The following FRMPD4 variants were observed in gnomAD, a reference collection of about 807,000 sequenced individuals.
The protein encoded by FRMPD4 is FERM and PDZ domain containing 4, also known as FERM and PDZ domain-containing protein 4.
In FRMPD4, 22 loss-of-function variants were observed where a neutral mutation model predicts 94.1. The observed-to-expected ratio is 0.23, with a 90% CI of 0.17 to 0.33. The LOEUF is 0.33. FRMPD4 is among the 10% of genes least tolerant of loss of function. The probability of loss-of-function intolerance (pLI) is 1.00; values close to 1 mark genes in which losing one functional copy is unlikely to be tolerated. For synonymous variants in FRMPD4, 631 were observed against 548.6 expected, an observed-to-expected ratio of 1.15 and a Z score of -2.10; for missense variants, 1,111 against 1,339.9, an observed-to-expected ratio of 0.83 and a Z score of 2.67.
chrX:12,353,034 A>G (rs1470338719), intron 1 of FRMPD4, among the ~76,000 whole-genome samples: 1 of 112,027 alleles, frequency 8.9e-6, no homozygotes, highest in Non-Finnish European at 1.9e-5. Flanking sequence ...CCAGACTGAG[A>G]AAAGCCAGTC....
At position 12,246,333 on chromosome X, in the gene FRMPD4, A is replaced by G. The variant is rs181423092; in HGVS notation, c.41+107321A>G. Among the ~76,000 whole-genome samples the G allele has an allele frequency of 4.3e-4, 48 of 112,103 alleles. No individual in the cohort carries two copies. The East Asian group carries it at 0.012, about 27-fold the overall frequency. On this transcript the variant is annotated intron_variant, in intron 1 of 16. Transcript: ENST00000675598. Reference sequence around the variant, plus strand: ...CTGAAATGAAGAGCTTCGATTTTCCACCATATTCTGATATGTAAAGGTTAC... The same window carrying G: ...CTGAAATGAAGAGCTTCGATTTTCCGCCATATTCTGATATGTAAAGGTTAC...
chrX:12,101,587 T>A (rs2055256579), intron 3 of FRMPD4, among the ~76,000 whole-genome samples: 1 of 111,841 alleles, frequency 8.9e-6, no homozygotes, highest in Non-Finnish European at 1.9e-5. Flanking sequence ...TTTATTATCC[T>A]GGGGATGCTT....
At chrX:11,891,683 T>G (rs2053874530) in intron 3 of FRMPD4, among the ~76,000 whole-genome samples, 1 of 112,156 alleles carries the variant, frequency 8.9e-6, no homozygotes, top group South Asian at 3.7e-4. Flanking sequence ...TTGAGCTTAC[T>G]AAGCCCCAGA....
intron 3 of FRMPD4, among the ~76,000 whole-genome samples, chrX:11,906,992 CT>C (rs2053971526): frequency 9.0e-6 from 1 of 110,807 alleles, no homozygotes; most frequent in Admixed American, 9.6e-5. Flanking sequence ...GCTACCAAGT[CT>C]GTCTAGTGAA....
chrX:12,328,850 T>C (rs1437151823), intron 1 of FRMPD4, among the ~76,000 whole-genome samples: 1 of 111,674 alleles, frequency 9.0e-6, no homozygotes, highest in African/African-American at 3.3e-5. Flanking sequence ...GCTTATACAG[T>C]TCAGGTATTA....
At chrX:12,126,964 G>A (rs1234262844) in intron 3 of FRMPD4, among the ~76,000 whole-genome samples, 1 of 111,875 alleles carries the variant, frequency 8.9e-6, no homozygotes, top group Non-Finnish European at 1.9e-5. Context: ...GCCCCTACAA[G>A]TCTTTGTTCT....
intron 1 of FRMPD4, among the ~76,000 whole-genome samples, chrX:12,141,094 T>G (rs1211015457): frequency 8.9e-6 from 1 of 112,278 alleles, no homozygotes; most frequent in East Asian, 2.8e-4. Context: ...TGTTTCTGCC[T>G]TGGGAGGAAG....
At chrX:11,886,533 T>C (rs1386059535) in intron 3 of FRMPD4, among the ~76,000 whole-genome samples, 1 of 111,459 alleles carries the variant, frequency 9.0e-6, no homozygotes, top group Non-Finnish European at 1.9e-5. Flanking sequence ...GTACAGATTG[T>C]TATCCAGTAT....
intron 1 of FRMPD4, among the ~76,000 whole-genome samples, chrX:12,418,161 G>T (rs1323212954): frequency 9.2e-6 from 1 of 109,080 alleles, no homozygotes; most frequent in African/African-American, 3.3e-5. Flanking sequence ...AGTTTGAGAG[G>T]ATGATTTTAC....
rs776153424 is a variant in FRMPD4 at position 12,718,629 on chromosome X, T to G, written c.3803T>G (p.Leu1268Arg). 3 of 1,210,982 alleles carry G rather than the reference T, an allele frequency of 2.5e-6. No individual in the cohort carries two copies. The highest frequency in any genetic ancestry group is 3.4e-6 in the Non-Finnish European group (3 of 894,762). ...CCTTCAGAGGAGAGAGCCCCTGGGC[T>G]TCCCAACCACGGAGCCACCTTTAAG... ...YIPSEERAPG[L>R]PNHGATFKEL... Residue 1268 changes from leucine (L) to arginine (R), a missense_variant, in exon 16 of 17, where the codon CTT becomes CGT. By Grantham distance (102) the Leu-to-Arg change is moderately radical (BLOSUM62 -2). Around this residue, in one of 8 missense-constraint regions of FRMPD4, gnomAD observed 551 missense variants for 591.6 expected, o/e 0.93. Transcript: ENST00000675598.
intron 3 of FRMPD4, among the ~76,000 whole-genome samples, chrX:11,975,079 G>C (rs1197405706): frequency 2.7e-5 from 3 of 111,779 alleles, no homozygotes; most frequent in Non-Finnish European, 5.6e-5. Context: ...GGCCTGGGAT[G>C]CTGGGATTTT....
intron 1 of FRMPD4, among the ~76,000 whole-genome samples, chrX:12,481,316 A>G (rs1408426932): frequency 1.8e-5 from 2 of 111,516 alleles, no homozygotes; most frequent in African/African-American, 6.5e-5. Flanking sequence ...CCTCCTAGTA[A>G]AGAGTTTCCA....
intron 1 of FRMPD4, among the ~76,000 whole-genome samples, chrX:12,412,046 G>T (rs1270489702): frequency 8.9e-6 from 1 of 112,141 alleles, no homozygotes; most frequent in East Asian, 2.8e-4. Flanking sequence ...TTCCTGTGCA[G>T]CCTGATTCAC....
At chrX:12,287,462 G>A (rs1036068191) in intron 1 of FRMPD4, among the ~76,000 whole-genome samples, 1 of 111,973 alleles carries the variant, frequency 8.9e-6, no homozygotes, top group Non-Finnish European at 1.9e-5. Flanking sequence ...GAGGCCATTA[G>A]GGGCAGCCAC....
At chrX:12,253,722 G>A (rs980036443) in intron 1 of FRMPD4, among the ~76,000 whole-genome samples, 5 of 111,618 alleles carry the variant, frequency 4.5e-5, no homozygotes, top group African/African-American at 1.6e-4. Flanking sequence ...CAGGTTTCAG[G>A]AAGGAGTGAA....
chrX:12,258,472 C>T (rs1391271841), intron 1 of FRMPD4, among the ~76,000 whole-genome samples: 1 of 110,768 alleles, frequency 9.0e-6, no homozygotes, highest in Non-Finnish European at 1.9e-5. Context: ...AATGTGGCCC[C>T]CTCAATCTTA....
intron 3 of FRMPD4, among the ~76,000 whole-genome samples, chrX:11,984,693 A>C (rs1239418380): frequency 1.8e-5 from 2 of 112,487 alleles, no homozygotes; most frequent in Non-Finnish European, 3.8e-5. Context: ...TCACAAATTG[A>C]TGTGGATAGT....
intron 4 of FRMPD4, among the ~76,000 whole-genome samples, chrX:12,638,244 A>G (rs958738888): frequency 8.9e-6 from 1 of 112,002 alleles, no homozygotes; most frequent in African/African-American, 3.2e-5. Flanking sequence ...TAGAAATTAG[A>G]TGTATATTTT....
intron 3 of FRMPD4, among the ~76,000 whole-genome samples, chrX:11,911,587 C>T (rs753544650): frequency 9.0e-6 from 1 of 111,501 alleles, no homozygotes; most frequent in South Asian, 3.8e-4. Context: ...TTTGATAGGT[C>T]CTGGCAGCAG....
Sources: allele counts gnomAD v4.1 joint callset (sites outside exome capture counted in the v4.1 genomes callset), GRCh38; gene constraint gnomAD v4.1.1; regional missense constraint gnomAD v4.1.1; transcripts MANE v1.5; gene names NCBI Gene and HGNC (gene_info 2026-07-23, HGNC 2026-07-21).